PIBF1: variants seen among roughly 807,000 people sequenced by gnomAD.
PIBF1 encodes the protein progesterone-induced-blocking factor 1.
Under a neutral mutation model 112.5 loss-of-function variants are expected in PIBF1, and 90 were observed. The observed-to-expected ratio is 0.80, with a 90% confidence interval of 0.67 to 0.95. The LOEUF is 0.95. PIBF1 is among the 40% of genes least tolerant of loss of function. PIBF1 has a pLI of 0.00. For synonymous variants in PIBF1, 301 were observed against 288.6 expected (o/e 1.04, Z -0.44); for missense variants, 915 against 852.3 (o/e 1.07, Z -0.92).
chr13:72,986,029 G>A (rs1444665313), intron 16 of PIBF1, among the ~76,000 whole-genome samples: 1 of 152,056 alleles, frequency 6.6e-6, no homozygotes, highest in Non-Finnish European at 1.5e-5. Flanking sequence ...TAGATGTGGT[G>A]GCTCGTGCCT....
rs547267581 is a variant in PIBF1, at chr13:72,848,376, G to A, written c.1224-5681G>A. Among the ~76,000 whole-genome samples, 106 of 152,152 alleles carry A rather than the reference G, an allele frequency of 7.0e-4. No individual in the cohort carries two copies. In the Middle Eastern group the frequency reaches 0.017, roughly 24 times the overall value. On this transcript the variant is annotated intron_variant, in intron 9 of 17. Transcript: ENST00000326291. ...TAGGCAAATACATTCTACCCTGTAC[G>A]TTAGTCTATTGTTACGAATGTTTTA...
intron 12 of PIBF1, among the ~76,000 whole-genome samples, chr13:72,916,243 T>A (rs2138690811): frequency 6.6e-6 from 1 of 151,718 alleles, no homozygotes; most frequent in Non-Finnish European, 1.5e-5. Flanking sequence ...ACAAAAAAAA[T>A]TAGCCGGGCT....
chr13:72,867,803 ATTAGT>A (rs1293336977), intron 10 of PIBF1, among the ~76,000 whole-genome samples: 3 of 152,224 alleles, frequency 2.0e-5, no homozygotes, highest in Admixed American at 2.0e-4. Flanking sequence ...AAAGTAGAAA[ATTAGT>A]TTATGCGTCT....
intron 16 of PIBF1, among the ~76,000 whole-genome samples, chr13:72,990,973 T>A (rs2043461952): frequency 6.6e-6 from 1 of 152,252 alleles, no homozygotes; most frequent in South Asian, 2.1e-4. Flanking sequence ...CTAGTCACGA[T>A]GCGTTGTTAC....
At chr13:72,875,131 C>T (rs1197426804) in intron 10 of PIBF1, among the ~76,000 whole-genome samples, 1 of 152,078 alleles carries the variant, frequency 6.6e-6, no homozygotes, top group Admixed American at 6.6e-5. Context: ...ATGGTTTTAT[C>T]TTTTTCAAAA....
chr13:72,916,107 G>A (rs977226917), intron 12 of PIBF1, among the ~76,000 whole-genome samples: 1 of 151,440 alleles, frequency 6.6e-6, no homozygotes, highest in Admixed American at 6.6e-5. Context: ...AATGTTTTTT[G>A]GCCAGGTGCG....
At chr13:72,844,758 C>CTGATGAAGTCTTACTGTTTAA (rs1555296165) in intron 9 of PIBF1, among the ~76,000 whole-genome samples, 1 of 125,740 alleles carries the variant, frequency 8.0e-6, no homozygotes. Context: ...CACACACACA[C>CTGATGAAGTCTTACTGTTTAA]ACACACACAC....
At chr13:72,851,738 A>G (rs567852906) in intron 9 of PIBF1, among the ~76,000 whole-genome samples, 1 of 152,274 alleles carries the variant, frequency 6.6e-6, no homozygotes, top group Middle Eastern at 3.4e-3. Flanking sequence ...TGGCCCACCC[A>G]TTGCCACCTA....
At chr13:72,913,806 G>A (rs2040983897) in intron 12 of PIBF1, among the ~76,000 whole-genome samples, 1 of 151,386 alleles carries the variant, frequency 6.6e-6, no homozygotes, top group Non-Finnish European at 1.5e-5. Context: ...GATGTATACT[G>A]TACATTTTTT....
chr13:72,833,939 G>T (rs1344208563), intron 8 of PIBF1, among the ~76,000 whole-genome samples: 2 of 152,028 alleles, frequency 1.3e-5, no homozygotes, highest in Non-Finnish European at 1.5e-5. Context: ...TTTCTAGTTG[G>T]TTTTTAAAAA....
intron 10 of PIBF1, chr13:72,884,525 G>C (rs2039768969): frequency 6.6e-6 from 1 of 152,098 alleles, no homozygotes; most frequent in Admixed American, 6.6e-5. Flanking sequence ...ATGTTTGAGA[G>C]AAGACATTTC....
intron 9 of PIBF1, among the ~76,000 whole-genome samples, chr13:72,847,273 C>T (rs2037918527): frequency 6.6e-6 from 1 of 152,186 alleles, no homozygotes; most frequent in East Asian, 1.9e-4. Flanking sequence ...TGCTTGAGCA[C>T]CAATTGTCTT....
intron 10 of PIBF1, among the ~76,000 whole-genome samples, chr13:72,865,561 C>T (rs1270413979): frequency 6.6e-6 from 1 of 152,082 alleles, no homozygotes; most frequent in Admixed American, 6.6e-5. Flanking sequence ...TACACTGTGT[C>T]TTATTATTTT....
chr13:72,831,103 G>A (rs1356302469), intron 8 of PIBF1, among the ~76,000 whole-genome samples: 6 of 151,840 alleles, frequency 4.0e-5, no homozygotes, highest in South Asian at 2.1e-4. Flanking sequence ...CTGTGGGATC[G>A]TTGGTGAGCT....
intron 16 of PIBF1, among the ~76,000 whole-genome samples, chr13:72,975,161 A>G (rs886909209): frequency 6.6e-6 from 1 of 151,414 alleles, no homozygotes; most frequent in Non-Finnish European, 1.5e-5. Flanking sequence ...GTTCAAGCGA[A>G]TCTCTTGGCT....
chr13:73,008,216 G>C (rs554749888), intron 17 of PIBF1, among the ~76,000 whole-genome samples: 11 of 152,258 alleles, frequency 7.2e-5, no homozygotes, highest in African/African-American at 2.6e-4. Flanking sequence ...AAATATCTTT[G>C]AATGATATAA....
chr13:72,874,175 G>A (rs2039294619), intron 10 of PIBF1, among the ~76,000 whole-genome samples: 2 of 152,148 alleles, frequency 1.3e-5, no homozygotes, highest in African/African-American at 4.8e-5. Flanking sequence ...TTGTGTGACT[G>A]TGTCAAACAG....
intron 8 of PIBF1, among the ~76,000 whole-genome samples, chr13:72,832,071 CCTTTTTTTTTTTTTT>C (rs1277201370): frequency 3.4e-5 from 2 of 59,492 alleles, no homozygotes; most frequent in African/African-American, 1.1e-4. Context: ...GCAATTCCGG[CCTTTTTTTTTTTTTT>C]TTTTTTTTTT....
chr13:72,931,087 C>A, intron 13 of PIBF1, 78 bp from the exon 14 acceptor site: 1 of 787,378 alleles, frequency 1.3e-6, no homozygotes, highest in Non-Finnish European at 2.1e-6. Flanking sequence ...TGTCTATTTT[C>A]AAGTACACAA....
Sources: allele counts gnomAD v4.1 joint callset (sites outside exome capture counted in the v4.1 genomes callset), GRCh38; gene constraint gnomAD v4.1.1; transcripts MANE v1.5; gene names NCBI Gene and HGNC (gene_info 2026-07-23, HGNC 2026-07-21).